GGT5: variants seen among roughly 807,000 people sequenced by gnomAD.
GGT5 encodes the protein glutathione hydrolase 5 proenzyme.
A neutral mutation model predicts 58.1 loss-of-function variants in GGT5; 50 were observed. That is an observed-to-expected ratio of 0.86 (90% CI 0.69 to 1.09). The LOEUF is 1.09. Ranked by LOEUF, GGT5 falls within the 50% of genes least tolerant of loss-of-function variation. The pLI is 0.00. For missense variants in GGT5, 800 were observed against 789.4 expected (o/e 1.01, Z -0.16); for synonymous variants, 370 against 346.1 (o/e 1.07, Z -0.77).
intron 11 of GGT5, among the ~76,000 whole-genome samples, chr22:24,224,192 A>G (rs1012650489): frequency 2.6e-5 from 4 of 151,496 alleles, no homozygotes; most frequent in African/African-American, 9.7e-5. Flanking sequence ...GAGCTGCACC[A>G]TGGGCTTCTG....
rs2048198729 is a variant in GGT5, at chr22:24,238,816, T to TA, written c.174-4813dup. On this transcript the variant is annotated intron_variant, in intron 1 of 11. Transcript: ENST00000327365. Reference sequence around the variant, plus strand: ...ATATTTATATATATATAATATATTATATATATATATATATATTTATATATA... The same window carrying TA: ...ATATTTATATATATATAATATATTATAATATATATATATATATTTATATATA... Among the ~76,000 whole-genome samples the TA allele has an allele frequency of 2.3e-4, 4 of 17,426 alleles. No homozygotes were observed. In the East Asian group the frequency reaches 0.011, roughly 47 times the overall value. 11.4% of individuals were successfully genotyped at this position (17,426 alleles called of 152,430 possible).
chr22:24,238,810 ATATT>A lies in GGT5; in HGVS notation c.174-4810_174-4807del, dbSNP rs2048196151. Among the ~76,000 whole-genome samples the A allele has an allele frequency of 2.3e-3, 5 of 2,134 alleles. 2 individuals carry two copies. Among genetic ancestry groups the A allele is most frequent in the African/African-American group, 7.5e-3 (3 of 398 alleles). 1.4% of individuals were successfully genotyped at this position (2,134 alleles called of 152,430 possible). On this transcript the variant is annotated intron_variant, in intron 1 of 11. Transcript: ENST00000327365. ...TATTATATATTTATATATATATAAT[ATATT>A]ATATATATATATATATATTTATATA...
intron 1 of GGT5, 138 bp from the exon 2 acceptor site, chr22:24,234,142 A>G: frequency 1.3e-6 from 1 of 761,548 alleles, no homozygotes. Flanking sequence ...TAGGTTGCAG[A>G]ACACAACCAG....
At position 24,225,065 on chromosome 22, in the gene GGT5, C is replaced by G; in HGVS notation, c.1545G>C (p.Ala515=). 3 of 1,601,030 alleles carry G rather than the reference C, an allele frequency of 1.9e-6. No individual in the cohort carries two copies. The highest frequency in any genetic ancestry group is 2.6e-6 in the Non-Finnish European group (3 of 1,173,942). The stretch of plus-strand genomic sequence containing the variant: ...CATGCAGGATGGGGGCTGCAATGGC[C>G]GCTCTCAGGTCAAAGCCAAGCCACA... ...SKLWLGFDLR[A]AIAAPILHVN... is the part of the protein sequence containing the mutation. The change falls in exon 11 of 12, where the codon GCG becomes GCC. Residue 515 remains alanine, a synonymous_variant. Coordinates refer to ENST00000327365, the MANE Select transcript of GGT5 (RefSeq NM_004121.5).
chr22:24,239,078 G>A (rs533901351), intron 1 of GGT5, among the ~76,000 whole-genome samples: 121 of 145,622 alleles, frequency 8.3e-4, no homozygotes, highest in African/African-American at 3.0e-3. Flanking sequence ...GGTGGCTCAC[G>A]CCTGTAATCC....
intron 6 of GGT5, among the ~76,000 whole-genome samples, chr22:24,229,973 C>T (rs1461247505): frequency 6.6e-6 from 1 of 152,116 alleles, no homozygotes; most frequent in Non-Finnish European, 1.5e-5. Context: ...TGGCTCACGC[C>T]TGGAATCCCA....
chr22:24,239,318 G>A (rs7291063), intron 1 of GGT5, among the ~76,000 whole-genome samples: 4,670 of 151,450 alleles, frequency 0.031, 255 homozygotes, highest in African/African-American at 0.11. Context: ...CAGCCTGGGC[G>A]ACAGAGCGAG....
At chr22:24,230,419 G>A (rs888043428) in intron 6 of GGT5, among the ~76,000 whole-genome samples, 2 of 151,372 alleles carry the variant, frequency 1.3e-5, no homozygotes, top group African/African-American at 4.9e-5. Flanking sequence ...TCAGCGGCGT[G>A]TGGTGGCCCA....
chr22:24,225,117 G>T lies in GGT5; in HGVS notation c.1504-11C>A. ...CTTGCTCATGATGGCCTGGGGGAGA[G>T]ATGAGGGTTTCAGGGAGAAAGGGGG... On this transcript the variant is annotated splice_polypyrimidine_tract_variant and intron_variant, in intron 10 of 11. Coordinates refer to ENST00000327365, the MANE Select transcript of GGT5 (RefSeq NM_004121.5). 6.3e-7 allele frequency: 1 copy of T among 1,597,882 alleles called. No individual in the cohort carries two copies. Among genetic ancestry groups the T allele is most frequent in the Admixed American group, 1.7e-5 (1 of 57,690 alleles).
At chr22:24,231,553 C>T in intron 5 of GGT5, 23 bp from the exon 6 acceptor site, 1 of 1,581,792 alleles carries the variant, frequency 6.3e-7, no homozygotes, top group Non-Finnish European at 8.6e-7. Context: ...GGAGAGGGCT[C>T]CATGAACAGA....
Position 24,232,163 on chromosome 22 carries a change from TG to T in GGT5, c.641del (p.Pro214HisfsTer42), listed in dbSNP as rs776939345. 24 of 1,508,420 alleles carry T rather than the reference TG, an allele frequency of 1.6e-5. No individual in the cohort carries two copies. The highest frequency in any genetic ancestry group is 2.1e-5 in the Non-Finnish European group (24 of 1,119,590). The allele number at this position is 1,508,420 out of a possible 1,614,324, so 93.4% of individuals were successfully genotyped here. A position where few individuals can be genotyped will look rare whatever the true frequency, so the allele number is the denominator to read the frequency against. The part of the protein sequence containing the change: ...NGTEPLRPQD[P>X]LPWPALATTL... ...TGGTGGCCAGTGCAGGCCATGGGAG[TG>T]GGTCCTGAGGCCTCAGGGGTTCTGT... is the stretch of plus-strand genomic sequence containing the variant. On this transcript the variant is annotated frameshift_variant, in exon 5 of 12. Coordinates refer to ENST00000327365, the MANE Select transcript of GGT5 (RefSeq NM_004121.5). LOFTEE classifies it high-confidence loss of function.
In GGT5 at chr22:24,225,124, G is replaced by T. The variant is rs369769344; in HGVS notation, c.1504-18C>A. ...ATGATGGCCTGGGGGAGAGATGAGG[G>T]TTTCAGGGAGAAAGGGGGCACCCTG... On this transcript the variant is annotated intron_variant, in intron 10 of 11. Coordinates refer to ENST00000327365, the MANE Select transcript of GGT5 (RefSeq NM_004121.5). 2 of 1,593,950 alleles carry T rather than the reference G, an allele frequency of 1.3e-6. No homozygotes were observed. Among genetic ancestry groups the T allele is most frequent in the African/African-American group, 2.7e-5 (2 of 74,414 alleles).
At chr22:24,238,807 A>AT (rs373845559) in intron 1 of GGT5, among the ~76,000 whole-genome samples, 2 of 2,218 alleles carry the variant, frequency 9.0e-4, no homozygotes, top group African/African-American at 2.4e-3. Context: ...ATATATATAT[A>AT]ATATATTATA....
chr22:24,223,728 G>A (rs184715781), intron 11 of GGT5, among the ~76,000 whole-genome samples: 8 of 149,450 alleles, frequency 5.4e-5, no homozygotes, highest in East Asian at 2.0e-4. Context: ...CAGCTTTGAC[G>A]ATCTGGAACC....
chr22:24,233,876 G>A lies in GGT5; in HGVS notation c.302C>T (p.Thr101Ile). The part of the protein sequence containing the change: ...GVIFTIYNVT[T>I]GKVEVINARE... ...TGGCAGTTCACATGTGGGCCCACCT[G>A]TTGTCACATTGTAGATGGTGAAGAT... The change falls in exon 2 of 12, where the codon ACA (threonine) becomes ATA (isoleucine). Residue 101 changes from threonine to isoleucine, a missense_variant and splice_region_variant. Transcript: ENST00000327365. 6.2e-7 allele frequency: 1 copy of A among 1,613,380 alleles called. No individual in the cohort carries two copies. The highest frequency in any genetic ancestry group is 8.5e-7 in the Non-Finnish European group (1 of 1,179,324).
At chr22:24,237,699 A>G (rs1287169957) in intron 1 of GGT5, among the ~76,000 whole-genome samples, 3 of 151,986 alleles carry the variant, frequency 2.0e-5, no homozygotes, top group Non-Finnish European at 2.9e-5. Flanking sequence ...GAGCCACCGC[A>G]CCCGGCCTCT....
At chr22:24,220,403 T>A in intron 11 of GGT5, 1 of 559,480 alleles carries the variant, frequency 1.8e-6, no homozygotes. Flanking sequence ...ACCAGGGCCT[T>A]GAGGTGCAAA....
In GGT5 at chr22:24,226,728, C is replaced by T; in HGVS notation, c.941G>A (p.Gly314Glu). 9.3e-6 allele frequency: 15 copies of T among 1,613,842 alleles called. No homozygotes were observed. The highest frequency in any genetic ancestry group is 1.3e-5 in the Non-Finnish European group (15 of 1,179,798). The change falls in exon 7 of 12, where the codon GGG becomes GAG. Residue 314 changes from glycine to glutamate, a missense_variant. Physicochemically the swap from Gly to Glu is moderately conservative, Grantham distance 98. Coordinates refer to ENST00000327365, the MANE Select transcript of GGT5 (RefSeq NM_004121.5). Reference protein sequence around the residue: ...FSTESMARPEGRVNVYHHLVE... With the variant: ...FSTESMARPEERVNVYHHLVE... ...AAGGTGGTGGTACACGTTCACCCTC[C>T]CTTCAGGCCTGGCCATAGACTCTGT...
At chr22:24,237,227 G>A (rs979891643) in intron 1 of GGT5, among the ~76,000 whole-genome samples, 2 of 151,844 alleles carry the variant, frequency 1.3e-5, no homozygotes, top group African/African-American at 4.8e-5. Context: ...ACCTACTCAT[G>A]TGCTGAGGGA....
Sources: allele counts gnomAD v4.1 joint callset (sites outside exome capture counted in the v4.1 genomes callset), GRCh38; gene constraint gnomAD v4.1.1; transcripts MANE v1.5; gene names NCBI Gene and HGNC (gene_info 2026-07-23, HGNC 2026-07-21).